CSMD1: variants seen among roughly 807,000 people sequenced by gnomAD.
The protein encoded by CSMD1 is CUB and sushi domain-containing protein 1.
In CSMD1, 213 loss-of-function variants were observed where a neutral mutation model predicts 417.5. The observed-to-expected ratio is 0.51, with a 90% CI of 0.46 to 0.57. The LOEUF (loss-of-function observed/expected upper bound fraction) is 0.57. Ranked by LOEUF, CSMD1 falls within the 20% of genes least tolerant of loss-of-function variation. CSMD1 has a pLI of 0.00. For missense variants in CSMD1, 6,923 were observed against 4,529.7 expected, an observed-to-expected ratio of 1.53 and a Z score of -15.17; for synonymous variants, 2,862 against 1,736.8, an observed-to-expected ratio of 1.65 and a Z score of -16.11.
intron 3 of CSMD1, among the ~76,000 whole-genome samples, chr8:4,362,795 G>A (rs755399734): frequency 1.3e-5 from 2 of 152,126 alleles, no homozygotes; most frequent in Admixed American, 6.5e-5. Context: ...AAATGAAAGG[G>A]AATTATTATT....
At chr8:4,031,852 A>G in intron 4 of CSMD1, 53 bp downstream of exon 4, 1 of 1,390,008 alleles carries the variant, frequency 7.2e-7, no homozygotes, top group Admixed American at 2.5e-5. Context: ...AGCATCTCCA[A>G]AACCATTGCC....
intron 2 of CSMD1, among the ~76,000 whole-genome samples, chr8:4,501,779 C>T (rs759800356): frequency 1.2e-4 from 18 of 151,994 alleles, no homozygotes; most frequent in African/African-American, 1.5e-4. Flanking sequence ...TTCAAGTTGT[C>T]GTTATTTGAC....
At chr8:4,203,899 G>C (rs1799818185) in intron 3 of CSMD1, among the ~76,000 whole-genome samples, 1 of 152,108 alleles carries the variant, frequency 6.6e-6, no homozygotes, top group South Asian at 2.1e-4. Context: ...CAAGGAGTTT[G>C]AGGCCAGCCT....
At chr8:4,221,284 A>C (rs1234181598) in intron 3 of CSMD1, among the ~76,000 whole-genome samples, 2 of 152,134 alleles carry the variant, frequency 1.3e-5, no homozygotes, top group East Asian at 1.9e-4. Context: ...TTTTCAGTTA[A>C]ACATGGCATA....
rs537989935 is a variant in CSMD1, at chr8:3,183,700, C to T, written c.5621-2486G>A. Among the ~76,000 whole-genome samples the T allele has an allele frequency of 4.0e-3, 608 of 152,260 alleles. 3 individuals are homozygous for T. The highest frequency in any genetic ancestry group is 0.013 in the African/African-American group (553 of 41,544). ...CCCTGAAACATCGAGTAGGTCTCTACTGTTTCTTAATACCATTGGCATCCA... is the reference window on the plus strand; with the variant it reads ...CCCTGAAACATCGAGTAGGTCTCTATTGTTTCTTAATACCATTGGCATCCA... On this transcript the variant is annotated intron_variant, in intron 36 of 69. Transcript: ENST00000635120.
At chr8:3,718,851 G>C (rs1395070536) in intron 6 of CSMD1, among the ~76,000 whole-genome samples, 1 of 152,084 alleles carries the variant, frequency 6.6e-6, no homozygotes, top group East Asian at 1.9e-4. Flanking sequence ...CTTGGAAGCA[G>C]GTGGAATTTA....
Position 3,184,513 on chromosome 8 carries a change from G to C in CSMD1, c.5621-3299C>G, listed in dbSNP as rs1290371151. Among the ~76,000 whole-genome samples the C allele has an allele frequency of 3.3e-5, 5 of 152,202 alleles. No individual in the cohort carries two copies. In the South Asian group the frequency reaches 1.0e-3, roughly 32 times the overall value. On this transcript the variant is annotated intron_variant, in intron 36 of 69. Transcript: ENST00000635120. The stretch of plus-strand genomic sequence containing the variant: ...TCTTATCACATTCATCTCCTGCCTG[G>C]GCTAATGAAATAGCCATCAACTGAG...
At chr8:4,714,025 A>G (rs149303470) in intron 1 of CSMD1, among the ~76,000 whole-genome samples, 3,564 of 152,150 alleles carry the variant, frequency 0.023, 59 homozygotes, top group Non-Finnish European at 0.033. Flanking sequence ...GGTGCCTGTA[A>G]TCCCAGCTAC....
At chr8:4,484,410 C>G (rs913543650) in intron 2 of CSMD1, among the ~76,000 whole-genome samples, 1 of 152,008 alleles carries the variant, frequency 6.6e-6, no homozygotes, top group African/African-American at 2.4e-5. Context: ...TATATCAGAA[C>G]CAGAAGACAC....
intron 1 of CSMD1, among the ~76,000 whole-genome samples, chr8:4,737,114 G>C (rs991652885): frequency 5.3e-5 from 8 of 152,062 alleles, no homozygotes; most frequent in African/African-American, 1.9e-4. Context: ...ACTGAATAAA[G>C]AAAATGTGGT....
chr8:4,689,845 T>C (rs1306463689), intron 1 of CSMD1, among the ~76,000 whole-genome samples: 1 of 152,180 alleles, frequency 6.6e-6, no homozygotes, highest in Admixed American at 6.5e-5. Flanking sequence ...CCTTTAATAC[T>C]AGACTCATTG....
rs543400653 is a variant in CSMD1 at position 4,084,692 on chromosome 8, C to T, written c.416-52593G>A. Among the ~76,000 whole-genome samples, 5 of 152,060 alleles carry T rather than the reference C, an allele frequency of 3.3e-5. No individual in the cohort carries two copies. The East Asian group carries it at 9.7e-4, about 30-fold the overall frequency. On this transcript the variant is annotated intron_variant, in intron 3 of 69. Transcript: ENST00000635120. ...GTAGGGAAAGCACTAGCAATAGAGG[C>T]ATCAATTAGCAATAACAGAAAAAGC...
intron 2 of CSMD1, among the ~76,000 whole-genome samples, chr8:4,443,499 C>T (rs919055544): frequency 6.6e-6 from 1 of 152,024 alleles, no homozygotes; most frequent in Non-Finnish European, 1.5e-5. Context: ...CTTTATATGC[C>T]ACATATATTA....
At chr8:4,209,052 T>C (rs1469276265) in intron 3 of CSMD1, among the ~76,000 whole-genome samples, 1 of 152,208 alleles carries the variant, frequency 6.6e-6, no homozygotes, top group Non-Finnish European at 1.5e-5. Context: ...CTCTGACTTC[T>C]TGCTTCTTGA....
Position 4,761,920 on chromosome 8 carries a change from T to TATCA in CSMD1, c.86-124363_86-124362insTGAT, listed in dbSNP as rs1386766993. 2.9e-3 allele frequency among the ~76,000 whole-genome samples: 415 copies of TATCA among 143,262 alleles called. 1 individual carries two copies. Among genetic ancestry groups the TATCA allele is most frequent in the African/African-American group, 0.011 (393 of 35,812 alleles). The allele number at this position is 143,262 out of a possible 152,430, so 94.0% of individuals were successfully genotyped here. A position where few individuals can be genotyped will look rare whatever the true frequency, so the allele number is the denominator to read the frequency against. On this transcript the variant is annotated intron_variant, in intron 1 of 69. Transcript: ENST00000635120. ...CTATCTATCTATCTATCAATCTATC[T>TATCA]ATCTATCTATCTATCTATCTATCTA...
intron 26 of CSMD1, among the ~76,000 whole-genome samples, chr8:3,265,713 C>G (rs1242347730): frequency 1.3e-5 from 2 of 152,100 alleles, no homozygotes; most frequent in Admixed American, 1.3e-4. Context: ...AGGTTTTTTT[C>G]TCAAAGCAGG....
intron 4 of CSMD1, among the ~76,000 whole-genome samples, chr8:4,006,821 CTATT>C (rs1816155350): frequency 2.2e-5 from 2 of 90,118 alleles, no homozygotes; most frequent in African/African-American, 9.1e-5. Context: ...AGGACTTTTC[CTATT>C]TTTTTTTTTT....
At chr8:4,443,408 A>G (rs1798597037) in intron 2 of CSMD1, among the ~76,000 whole-genome samples, 1 of 152,230 alleles carries the variant, frequency 6.6e-6, no homozygotes, top group Non-Finnish European at 1.5e-5. Context: ...TTCCAAGAAA[A>G]TTGCAACAAT....
chr8:3,643,760 C>A (rs1236073237), intron 7 of CSMD1, among the ~76,000 whole-genome samples: 1 of 150,570 alleles, frequency 6.6e-6, no homozygotes, highest in Admixed American at 6.6e-5. Flanking sequence ...TACTTAATCA[C>A]CTCCTAGAGT....
Sources: allele counts gnomAD v4.1 joint callset (sites outside exome capture counted in the v4.1 genomes callset), GRCh38; gene constraint gnomAD v4.1.1; transcripts MANE v1.5; gene names NCBI Gene and HGNC (gene_info 2026-07-23, HGNC 2026-07-21).